Variants in MXRA7 observed in about 807,000 individuals in gnomAD.
MXRA7 encodes the protein matrix-remodeling-associated protein 7.
MXRA7 carries 18 observed loss-of-function variants against 17.4 expected under a neutral mutation model. The observed-to-expected ratio is 1.03, with a 90% CI of 0.71 to 1.53. MXRA7 has a LOEUF of 1.53. Among genes scored for constraint, MXRA7 ranks in the 40% most tolerant of loss-of-function variants. The pLI, the probability that MXRA7 is intolerant of heterozygous loss-of-function variation, is 0.00. For synonymous variants in MXRA7, 70 were observed against 101.7 expected (o/e 0.69, Z 1.87); for missense variants, 141 against 209.3 (o/e 0.67, Z 2.01).
intron 1 of MXRA7, among the ~76,000 whole-genome samples, chr17:76,702,942 T>C (rs61512053): frequency 0.1 from 15,648 of 150,856 alleles, 1,170 homozygotes; most frequent in East Asian, 0.33. Context: ...AACGGCTGAC[T>C]TGACTATGGA....
chr17:76,702,066 A>G (rs1405561791), intron 1 of MXRA7, among the ~76,000 whole-genome samples: 1 of 152,258 alleles, frequency 6.6e-6, no homozygotes, highest in African/African-American at 2.4e-5. Flanking sequence ...TCTAGGTGCT[A>G]CATTTTGAGA....
chr17:76,696,848 G>A (rs1314231858), intron 1 of MXRA7, among the ~76,000 whole-genome samples: 2 of 152,188 alleles, frequency 1.3e-5, no homozygotes, highest in South Asian at 2.1e-4. Context: ...GTGCCATGGT[G>A]GGTGCGACCA....
chr17:76,688,020 G>T, intron 2 of MXRA7, 93 bp downstream of exon 2: 1 of 705,950 alleles, frequency 1.4e-6, no homozygotes, highest in Non-Finnish European at 2.4e-6. Flanking sequence ...CCCTCCCCTC[G>T]GCACTCGAAC....
chr17:76,701,360 G>C (rs528924143), intron 1 of MXRA7, among the ~76,000 whole-genome samples: 12 of 151,964 alleles, frequency 7.9e-5, no homozygotes, highest in Admixed American at 2.0e-4. Flanking sequence ...TGAGCGTCGG[G>C]GGGGTGGATC....
intron 1 of MXRA7, chr17:76,688,451 G>GTTGAGGCTTCTGTGTGCCAT: frequency 7.4e-7 from 1 of 1,354,416 alleles, no homozygotes; most frequent in African/African-American, 1.5e-5. Context: ...GTGGGTGCCT[G>GTTGAGGCTTCTGTGTGCCAT]TTGAGGCTTC....
At chr17:76,705,489 T>C (rs1014996346) in intron 1 of MXRA7, among the ~76,000 whole-genome samples, 3 of 152,200 alleles carry the variant, frequency 2.0e-5, no homozygotes, top group Non-Finnish European at 4.4e-5. Context: ...TCTAGTTTTT[T>C]CCCCAGTAAG....
At chr17:76,703,085 T>C (rs961881469) in intron 1 of MXRA7, among the ~76,000 whole-genome samples, 1 of 150,578 alleles carries the variant, frequency 6.6e-6, no homozygotes, top group Non-Finnish European at 1.5e-5. Flanking sequence ...GCACTGCAGC[T>C]TGGGTGACAG....
intron 1 of MXRA7, among the ~76,000 whole-genome samples, chr17:76,708,973 C>T (rs978229527): frequency 2.0e-5 from 3 of 152,194 alleles, no homozygotes; most frequent in Non-Finnish European, 4.4e-5. Flanking sequence ...CTTCAGAGGA[C>T]GTGCATTCAC....
In MXRA7 at chr17:76,679,569, T is replaced by C. The variant is rs1044867903; in HGVS notation, c.*1298A>G. 1.2e-4 allele frequency: 119 copies of C among 975,410 alleles called. No individual in the cohort carries two copies. The highest frequency in any genetic ancestry group is 1.4e-4 in the Non-Finnish European group (111 of 821,126). 60.4% of individuals were successfully genotyped at this position (975,410 alleles called of 1,614,324 possible). ...AGCAAACTGAAAAAACACACAGTAA[T>C]TGAGATCATCTACTCAAAGTTTATT... On this transcript the variant is annotated 3_prime_UTR_variant, in exon 4 of 4. Transcript: ENST00000449428.
At chr17:76,702,022 TCCGCAACCCCTATCAG>T (rs2076596668) in intron 1 of MXRA7, among the ~76,000 whole-genome samples, 2 of 152,206 alleles carry the variant, frequency 1.3e-5, no homozygotes, top group African/African-American at 2.4e-5. Context: ...ATCTGTACTC[TCCGCAACCCCTATCAG>T]GGAATATCAG....
chr17:76,683,157 G>A (rs2076331497), intron 3 of MXRA7, among the ~76,000 whole-genome samples: 1 of 152,176 alleles, frequency 6.6e-6, no homozygotes, highest in South Asian at 2.1e-4. Context: ...TGGCAGTTGT[G>A]TCCAGCCCCC....
chr17:76,680,056 T>C lies in MXRA7; in HGVS notation c.*811A>G, dbSNP rs1160365346. On this transcript the variant is annotated 3_prime_UTR_variant, in exon 4 of 4. Transcript: ENST00000449428. The stretch of plus-strand genomic sequence containing the variant: ...AAATATAAAATTCCAAGAAACCCAT[T>C]TGAGACTGATCTGATGATCTGAAGT... 2.0e-6 allele frequency: 2 copies of C among 977,060 alleles called. No individual in the cohort carries two copies. The highest frequency in any genetic ancestry group is 2.4e-6 in the Non-Finnish European group (2 of 826,226). 60.5% of individuals were successfully genotyped at this position (977,060 alleles called of 1,614,324 possible). A position where few individuals can be genotyped will look rare whatever the true frequency, so the allele number is the denominator to read the frequency against.
exon 4 of MXRA7, chr17:76,672,732 A>G (rs943893563): frequency 6.6e-6 from 1 of 152,180 alleles, no homozygotes; most frequent in African/African-American, 2.4e-5. Flanking sequence ...AATATTTTCT[A>G]TGGCGTGATT....
rs564807501 is a variant in MXRA7, at chr17:76,700,832, A to G, written c.342+9773T>C. 4.6e-5 allele frequency among the ~76,000 whole-genome samples: 7 copies of G among 152,278 alleles called. No homozygotes were observed. The East Asian group carries it at 7.7e-4, about 17-fold the overall frequency. ...GAGAGAGAGAGAGTGGGCGGGCGGC[A>G]GGCGGGGGACTTTACATCTGCTCAC... On this transcript the variant is annotated intron_variant, in intron 1 of 3. Transcript: ENST00000449428.
intron 1 of MXRA7, among the ~76,000 whole-genome samples, chr17:76,695,328 T>C (rs1006439050): frequency 3.4e-5 from 5 of 149,198 alleles, no homozygotes; most frequent in Non-Finnish European, 7.4e-5. Flanking sequence ...CAAACCCTTC[T>C]GCAAGGGGTG....
chr17:76,704,330 C>T (rs749642773), intron 1 of MXRA7, among the ~76,000 whole-genome samples: 5 of 148,094 alleles, frequency 3.4e-5, no homozygotes, highest in Admixed American at 6.7e-5. Context: ...CTCAGCCTCT[C>T]GAGTAGCTGG....
intron 1 of MXRA7, among the ~76,000 whole-genome samples, chr17:76,690,800 A>C (rs2076472125): frequency 6.6e-6 from 1 of 151,984 alleles, no homozygotes; most frequent in Non-Finnish European, 1.5e-5. Context: ...CTTGACCTCC[A>C]GGGCTCAAGC....
intron 1 of MXRA7, 50 bp from the exon 2 acceptor site, chr17:76,688,226 G>C (rs2076427037): frequency 6.2e-7 from 1 of 1,611,404 alleles, no homozygotes; most frequent in East Asian, 2.2e-5. Flanking sequence ...TGGGTGATGG[G>C]AAGTGGTGGG....
At chr17:76,692,731 AT>A (rs1315878851) in intron 1 of MXRA7, among the ~76,000 whole-genome samples, 3 of 152,104 alleles carry the variant, frequency 2.0e-5, no homozygotes, top group Non-Finnish European at 2.9e-5. Context: ...AAAAAATGAC[AT>A]TTGAAAGGTT....
Sources: gnomAD v4.1 joint callset for allele counts (sites outside exome capture counted in the v4.1 genomes callset) on GRCh38, gnomAD v4.1.1 for gene constraint, MANE v1.5 for transcripts, NCBI Gene and HGNC (gene_info 2026-07-23, HGNC 2026-07-21) for gene names.